The following ALX1 variants were observed in gnomAD, a reference collection of about 807,000 sequenced individuals.
ALX1 encodes the protein ALX homeobox protein 1.
A neutral mutation model predicts 31.7 loss-of-function variants in ALX1; 19 were observed. The observed-to-expected ratio is 0.60, with a 90% confidence interval of 0.42 to 0.88. The LOEUF (loss-of-function observed/expected upper bound fraction) is 0.88. Ranked by LOEUF, ALX1 falls within the 40% of genes least tolerant of loss-of-function variation. ALX1 has a pLI of 0.00. For missense variants in ALX1, 415 were observed against 407.8 expected (o/e 1.02, Z -0.15); for synonymous variants, 153 against 148.8 (o/e 1.03, Z -0.20).
intron 3 of ALX1, among the ~76,000 whole-genome samples, chr12:85,293,252 T>C (rs1896842392): frequency 6.7e-6 from 1 of 149,834 alleles, no homozygotes; most frequent in South Asian, 2.1e-4. Context: ...AAAATATTTA[T>C]ATATGTATGT....
intron 2 of ALX1, among the ~76,000 whole-genome samples, chr12:85,285,347 TC>T (rs1359295724): frequency 6.6e-6 from 1 of 151,866 alleles, no homozygotes; most frequent in African/African-American, 2.4e-5. Context: ...ATTGTCAAGT[TC>T]TTTTTGTCAA....
chr12:85,294,215 A>C (rs899838236), intron 3 of ALX1, among the ~76,000 whole-genome samples: 2 of 151,084 alleles, frequency 1.3e-5, no homozygotes, highest in African/African-American at 4.8e-5. Context: ...ACAAGCTTAC[A>C]TTTTTATCTT....
At chr12:85,291,378 A>G (rs1466264306) in intron 3 of ALX1, among the ~76,000 whole-genome samples, 1 of 151,150 alleles carries the variant, frequency 6.6e-6, no homozygotes, top group Non-Finnish European at 1.5e-5. Context: ...AACTAGGCCC[A>G]AGAAACCATA....
intron 3 of ALX1, 132 bp downstream of exon 3, chr12:85,287,113 C>G: frequency 9.5e-7 from 1 of 1,052,922 alleles, no homozygotes; most frequent in Non-Finnish European, 1.4e-6. Context: ...AGAAAACATT[C>G]TTCATGTCTG....
intron 3 of ALX1, among the ~76,000 whole-genome samples, chr12:85,300,845 C>T (rs566897643): frequency 6.6e-6 from 1 of 152,140 alleles, no homozygotes. Flanking sequence ...ATGAATTGGT[C>T]ATGACTCAAT....
At position 85,301,602 on chromosome 12, in the gene ALX1, G is replaced by GCACTTTGGGAGGCCGAGGCGGGTGGAT; in HGVS notation, c.*128_*129insACTTTGGGAGGCCGAGGCGGGTGGATC. On this transcript the variant is annotated 3_prime_UTR_variant, in exon 4 of 4. Coordinates refer to ENST00000316824, the MANE Select transcript of ALX1 (RefSeq NM_006982.3). ...AAGGTCAAGATATTCAGTGAGACCAGCTTAAATGAATAGTTGTTATTTAAC... is the reference window on the plus strand; with the variant it reads ...AAGGTCAAGATATTCAGTGAGACCAGCACTTTGGGAGGCCGAGGCGGGTGGATCTTAAATGAATAGTTGTTATTTAAC... 1.1e-6 allele frequency: 1 copy of GCACTTTGGGAGGCCGAGGCGGGTGGAT among 941,250 alleles called. No individual in the cohort carries two copies. Among genetic ancestry groups the GCACTTTGGGAGGCCGAGGCGGGTGGAT allele is most frequent in the Non-Finnish European group, 1.6e-6 (1 of 617,826 alleles). The allele number at this position is 941,250 out of a possible 1,614,324, so 58.3% of individuals were successfully genotyped here.
rs892916378 is a variant in ALX1 at position 85,290,631 on chromosome 12, T to C, written c.660+3650T>C. On this transcript the variant is annotated intron_variant, in intron 3 of 3. Transcript: ENST00000316824. ...ATATTTTGATGTACTGACAACAGTA[T>C]CTTTTTGTTTAAGTTCTTTATTTTG... is the stretch of plus-strand genomic sequence containing the variant. Among the ~76,000 whole-genome samples the C allele has an allele frequency of 2.6e-5, 4 of 151,418 alleles. No individual in the cohort carries two copies. The East Asian group carries it at 7.7e-4, about 29-fold the overall frequency.
At chr12:85,295,771 G>A (rs554482389) in intron 3 of ALX1, among the ~76,000 whole-genome samples, 10 of 151,618 alleles carry the variant, frequency 6.6e-5, no homozygotes, top group African/African-American at 2.4e-4. Context: ...AAATATGATC[G>A]ATGTTGGTGG....
intron 1 of ALX1, among the ~76,000 whole-genome samples, chr12:85,282,172 T>A (rs1470949134): frequency 1.3e-5 from 2 of 152,082 alleles, no homozygotes; most frequent in Non-Finnish European, 2.9e-5. Flanking sequence ...TGTTAATCAG[T>A]CATGGCTCTT....
At chr12:85,294,215 A>AT (rs1896855834) in intron 3 of ALX1, among the ~76,000 whole-genome samples, 1 of 151,084 alleles carries the variant, frequency 6.6e-6, no homozygotes, top group Non-Finnish European at 1.5e-5. Flanking sequence ...ACAAGCTTAC[A>AT]TTTTTATCTT....
At chr12:85,282,941 G>A (rs1323197207) in intron 1 of ALX1, among the ~76,000 whole-genome samples, 1 of 151,792 alleles carries the variant, frequency 6.6e-6, no homozygotes, top group African/African-American at 2.4e-5. Flanking sequence ...GATAGAAAGC[G>A]TATTCAAAAT....
chr12:85,299,216 C>T lies in ALX1; in HGVS notation c.661-1939C>T, dbSNP rs552893100. ...TCAGACATGTGACTATGGTTTTTGC[C>T]GAGTAGCACAATGTGTGTGATTGAA... On this transcript the variant is annotated intron_variant, in intron 3 of 3. Coordinates refer to ENST00000316824, the MANE Select transcript of ALX1 (RefSeq NM_006982.3). Among the ~76,000 whole-genome samples the T allele has an allele frequency of 2.4e-4, 36 of 149,138 alleles. 2 individuals are homozygous for T. In the South Asian group the frequency reaches 6.5e-3, roughly 27 times the overall value.
At chr12:85,281,503 G>A (rs1056196475) in intron 1 of ALX1, among the ~76,000 whole-genome samples, 2 of 152,152 alleles carry the variant, frequency 1.3e-5, no homozygotes, top group East Asian at 3.9e-4. Context: ...CAAGCCCCCT[G>A]CCCCCTATTT....
intron 3 of ALX1, among the ~76,000 whole-genome samples, chr12:85,295,517 C>T (rs1896876137): frequency 6.6e-6 from 1 of 151,420 alleles, no homozygotes; most frequent in Admixed American, 6.6e-5. Context: ...AAATGATATA[C>T]AGAAAATTAA....
At chr12:85,287,684 A>G (rs984412017) in intron 3 of ALX1, among the ~76,000 whole-genome samples, 2 of 150,942 alleles carry the variant, frequency 1.3e-5, no homozygotes, top group African/African-American at 4.8e-5. Context: ...TTTCTTTTTC[A>G]TATTTTGTAA....
intron 3 of ALX1, among the ~76,000 whole-genome samples, chr12:85,291,957 G>A (rs1460472167): frequency 1.3e-5 from 2 of 151,028 alleles, no homozygotes; most frequent in Non-Finnish European, 3.0e-5. Flanking sequence ...TTACCATGAG[G>A]AACAGTTCTT....
Position 85,301,260 on chromosome 12 carries a change from C to T in ALX1, c.766C>T (p.Pro256Ser). ...SSCMTPYSHS[P>S]RTDSSYTGFS... Reference sequence around the variant, plus strand: ...CTGTATGACACCTTATTCTCACTCGCCTCGGACAGATTCCAGTTACACGGG... The same window carrying T: ...CTGTATGACACCTTATTCTCACTCGTCTCGGACAGATTCCAGTTACACGGG... The change falls in exon 4 of 4, where the codon CCT becomes TCT. Residue 256 changes from proline (P) to serine (S), a missense_variant. Physicochemically the swap from Pro to Ser is moderately conservative, Grantham distance 74 (BLOSUM62 -1). Transcript: ENST00000316824. 1 of 1,614,026 alleles carries T rather than the reference C, an allele frequency of 6.2e-7. No homozygotes were observed. The highest frequency in any genetic ancestry group is 1.1e-5 in the South Asian group (1 of 91,078).
chr12:85,301,323 C>G lies in ALX1; in HGVS notation c.829C>G (p.Leu277Val). Residue 277 changes from leucine (L) to valine (V), a missense_variant, in exon 4 of 4, where the codon CTC becomes GTC. Leu to Val is a conservative substitution (Grantham distance 32). Coordinates refer to ENST00000316824, the MANE Select transcript of ALX1 (RefSeq NM_006982.3). ...CCAGAACCAGTTCAGCCACGTGCCC[C>G]TCAACAATTTTTTCACTGACTCTCT... ...NHQNQFSHVPLNNFFTDSLLT... is the reference protein window; with the variant it reads ...NHQNQFSHVPVNNFFTDSLLT... The G allele has an allele frequency of 6.2e-7, 1 of 1,614,022 alleles. No individual in the cohort carries two copies. The highest frequency in any genetic ancestry group is 8.5e-7 in the Non-Finnish European group (1 of 1,179,980).
At chr12:85,286,548 G>GAGTA (rs2137379933) in intron 2 of ALX1, among the ~76,000 whole-genome samples, 1 of 151,946 alleles carries the variant, frequency 6.6e-6, no homozygotes, top group South Asian at 2.1e-4. Flanking sequence ...GAGTATTCAG[G>GAGTA]ATCATATAAT....
Sources: allele counts gnomAD v4.1 joint callset (sites outside exome capture counted in the v4.1 genomes callset), GRCh38; gene constraint gnomAD v4.1.1; transcripts MANE v1.5; gene names NCBI Gene and HGNC (gene_info 2026-07-23, HGNC 2026-07-21).